Variants in TBCD observed in about 807,000 individuals in gnomAD.
TBCD encodes the protein tubulin-specific chaperone D.
In TBCD, 105 loss-of-function variants were observed where a neutral mutation model predicts 169.3. That is an observed-to-expected ratio of 0.62 (90% confidence interval 0.53 to 0.73). The LOEUF is 0.73. Among genes scored for constraint, TBCD ranks in the 30% least tolerant of loss-of-function variants. The pLI is 0.00. For synonymous variants in TBCD, 700 were observed against 643.9 expected (o/e 1.09, Z -1.32); for missense variants, 1,444 against 1,600.1 (o/e 0.90, Z 1.66).
intron 13 of TBCD, among the ~76,000 whole-genome samples, chr17:82,819,343 T>C (rs1177944020): frequency 6.6e-6 from 1 of 152,138 alleles, no homozygotes; most frequent in Non-Finnish European, 1.5e-5. Context: ...CGCATTTTCT[T>C]TGGGTTACTT....
At chr17:82,868,717 T>C (rs1220775359) in intron 13 of TBCD, among the ~76,000 whole-genome samples, 1 of 152,248 alleles carries the variant, frequency 6.6e-6, no homozygotes, top group African/African-American at 2.4e-5. Flanking sequence ...CAGTTGTTGC[T>C]TATGGTGTTT....
chr17:82,937,644 G>A, intron 35 of TBCD: 1 of 602,082 alleles, frequency 1.7e-6, no homozygotes. Context: ...GCGTGGTCAG[G>A]GGCTGCCTCC....
In TBCD at chr17:82,898,144, A is replaced by C. The variant is rs114553765; in HGVS notation, c.1650-2507A>C. On this transcript the variant is annotated intron_variant, in intron 17 of 38. Transcript: ENST00000355528. ...GGCTGGTTTTCTGGTTTTCGTGAGCATTGAGCCCCCGTGGGTTTTGGTGGG... is the reference window on the plus strand; with the variant it reads ...GGCTGGTTTTCTGGTTTTCGTGAGCCTTGAGCCCCCGTGGGTTTTGGTGGG... Among the ~76,000 whole-genome samples, 1,282 of 139,730 alleles carry C rather than the reference A, an allele frequency of 9.2e-3. 49 individuals carry two copies. The highest frequency in any genetic ancestry group is 0.034 in the African/African-American group (1,213 of 35,940). The allele number at this position is 139,730 out of a possible 152,430, so 91.7% of individuals were successfully genotyped here.
intron 13 of TBCD, 73 bp downstream of exon 13, chr17:82,815,007 C>T (rs2051753018): frequency 1.3e-6 from 2 of 1,589,402 alleles, no homozygotes; most frequent in African/African-American, 2.7e-5. Context: ...CTGTTGCTGC[C>T]ATCTCGACTC....
intron 36 of TBCD, 62 bp from the exon 37 acceptor site, chr17:82,939,302 TGTC>T: frequency 7.4e-7 from 1 of 1,342,430 alleles, no homozygotes; most frequent in Non-Finnish European, 1.0e-6. Flanking sequence ...GCCTGGGTCC[TGTC>T]GTCTCTCCGG....
intron 14 of TBCD, 23 bp downstream of exon 14, chr17:82,870,403 A>G (rs368612332): frequency 1.7e-5 from 28 of 1,607,682 alleles, no homozygotes; most frequent in Middle Eastern, 1.7e-4. Context: ...GTCGAGGTAC[A>G]TCGGATGCGC....
chr17:82,869,690 G>A (rs1251710294), intron 13 of TBCD, among the ~76,000 whole-genome samples: 2 of 152,224 alleles, frequency 1.3e-5, no homozygotes, highest in African/African-American at 2.4e-5. Flanking sequence ...TGTAGGAGCC[G>A]TGGCCGGCTT....
At chr17:82,791,817 CCGTAG>C (rs2049752087) in intron 7 of TBCD, among the ~76,000 whole-genome samples, 1 of 152,130 alleles carries the variant, frequency 6.6e-6, no homozygotes, top group South Asian at 2.1e-4. Flanking sequence ...CGTGTGAACA[CCGTAG>C]CGTGCACTTA....
intron 17 of TBCD, among the ~76,000 whole-genome samples, chr17:82,900,007 C>T (rs2059780273): frequency 6.6e-6 from 1 of 152,076 alleles, no homozygotes; most frequent in Non-Finnish European, 1.5e-5. Context: ...TTTTGATTTT[C>T]TTAAAAGTTT....
At chr17:82,896,453 GTTTTTTT>G (rs1014108505) in intron 17 of TBCD, among the ~76,000 whole-genome samples, 71 of 91,432 alleles carry the variant, frequency 7.8e-4, no homozygotes, top group Admixed American at 1.5e-3. Flanking sequence ...TGTGCTGTCA[GTTTTTTT>G]TTTTTTTTTT....
At chr17:82,856,590 G>A (rs1238876446) in intron 13 of TBCD, among the ~76,000 whole-genome samples, 3 of 152,232 alleles carry the variant, frequency 2.0e-5, no homozygotes. Flanking sequence ...TGCTATCAGG[G>A]CCCTTACACA....
chr17:82,900,778 A>G, intron 18 of TBCD, 47 bp downstream of exon 18: 1 of 1,424,504 alleles, frequency 7.0e-7, no homozygotes, highest in African/African-American at 1.4e-5. Context: ...TTCCCCCCAA[A>G]GGAGAGATTC....
In TBCD at chr17:82,850,205, G is replaced by GC. The variant is rs1418931641; in HGVS notation, c.1319-20019_1319-20018insC. Among the ~76,000 whole-genome samples, 25 of 130,858 alleles carry GC rather than the reference G, an allele frequency of 1.9e-4. 1 individual carries two copies. Among genetic ancestry groups the GC allele is most frequent in the East Asian group, 2.3e-4 (1 of 4,368 alleles). The allele number at this position is 130,858 out of a possible 152,430, so 85.8% of individuals were successfully genotyped here. ...TGGCTGTGCTGCTGTTGGCTGTGCT[G>GC]TTGTTGGCTGTGCTGCTGTTGGCTG... On this transcript the variant is annotated intron_variant, in intron 13 of 38. Coordinates refer to ENST00000355528, the MANE Select transcript of TBCD (RefSeq NM_005993.5).
At chr17:82,792,331 G>A (rs2049795833) in intron 7 of TBCD, among the ~76,000 whole-genome samples, 1 of 150,234 alleles carries the variant, frequency 6.7e-6, no homozygotes, top group Non-Finnish European at 1.5e-5. Context: ...AAAATTATAT[G>A]TATATACACA....
At chr17:82,893,965 G>T (rs1419725964) in intron 17 of TBCD, among the ~76,000 whole-genome samples, 1 of 138,246 alleles carries the variant, frequency 7.2e-6, no homozygotes, top group East Asian at 2.0e-4. Flanking sequence ...CTGGTTCTGT[G>T]TGGGGCTTGG....
In TBCD at chr17:82,945,388, GTC is replaced by G. The variant is rs1462720643; in HGVS notation, c.*2928_*2929del. On this transcript the variant is annotated 3_prime_UTR_variant, in exon 39 of 39. Transcript: ENST00000355528. ...AGTCCCCAGATACAGAAGCCTAACAGTCTCACATTTAGACCTGCCACAGTGAA... is the reference window on the plus strand; with the variant it reads ...AGTCCCCAGATACAGAAGCCTAACAGTCACATTTAGACCTGCCACAGTGAA... The G allele has an allele frequency of 7.9e-5, 12 of 152,210 alleles. No homozygotes were observed. Among genetic ancestry groups the G allele is most frequent in the Non-Finnish European group, 1.5e-5 (1 of 68,054 alleles). The allele number at this position is 152,210 out of a possible 1,614,324, so 9.4% of individuals were successfully genotyped here. A position where few individuals can be genotyped will look rare whatever the true frequency, so the allele number is the denominator to read the frequency against.
intron 13 of TBCD, among the ~76,000 whole-genome samples, chr17:82,852,450 A>C (rs925115753): frequency 2.0e-5 from 3 of 152,104 alleles, no homozygotes; most frequent in Non-Finnish European, 4.4e-5. Context: ...TGGGTGTCCA[A>C]GGTCGAGGTG....
chr17:82,753,432 C>T (rs1338505769), intron 1 of TBCD, among the ~76,000 whole-genome samples: 1 of 147,572 alleles, frequency 6.8e-6, no homozygotes, highest in Non-Finnish European at 1.5e-5. Flanking sequence ...GGTGTAACAG[C>T]CCAATGGCTT....
intron 20 of TBCD, among the ~76,000 whole-genome samples, chr17:82,906,432 CT>C (rs2060256635): frequency 6.6e-6 from 1 of 152,256 alleles, no homozygotes; most frequent in Non-Finnish European, 1.5e-5. Flanking sequence ...GTTCAGTATC[CT>C]TTCTTCATCA....
Sources: allele counts gnomAD v4.1 joint callset (sites outside exome capture counted in the v4.1 genomes callset), GRCh38; gene constraint gnomAD v4.1.1; transcripts MANE v1.5; gene names NCBI Gene and HGNC (gene_info 2026-07-23, HGNC 2026-07-21).